Variants in INPP5A observed in about 807,000 individuals in gnomAD.
INPP5A encodes 43 kDa inositol polyphosphate 5-phophatase.
Under a neutral mutation model 65.2 loss-of-function variants are expected in INPP5A, and 14 were observed. That is an observed-to-expected ratio of 0.21 (90% CI 0.14 to 0.34). INPP5A has a LOEUF of 0.34. Ranked by LOEUF, INPP5A falls within the 10% of genes least tolerant of loss-of-function variation. INPP5A has a pLI of 1.00. For missense variants in INPP5A, 431 were observed against 545.6 expected, an observed-to-expected ratio of 0.79 and a Z score of 2.09; for synonymous variants, 207 against 208.3, an observed-to-expected ratio of 0.99 and a Z score of 0.05.
At chr10:132,606,733 C>T (rs2071858874) in intron 1 of INPP5A, among the ~76,000 whole-genome samples, 2 of 152,210 alleles carry the variant, frequency 1.3e-5, no homozygotes, top group South Asian at 4.1e-4. Context: ...CACTGGCGGC[C>T]TGCACGCCTT....
intron 4 of INPP5A, among the ~76,000 whole-genome samples, chr10:132,671,703 TCATGTGCCTTA>T (rs1289895642): frequency 6.6e-6 from 1 of 152,220 alleles, no homozygotes; most frequent in African/African-American, 2.4e-5. Flanking sequence ...TGATACTGTT[TCATGTGCCTTA>T]CATGTGCCAC....
At chr10:132,666,054 C>CAA (rs5789135) in intron 4 of INPP5A, among the ~76,000 whole-genome samples, 3,717 of 136,028 alleles carry the variant, frequency 0.027, 85 homozygotes, top group African/African-American at 0.059. Context: ...GATCCTGTCT[C>CAA]AAAAAAAAAA....
intron 1 of INPP5A, among the ~76,000 whole-genome samples, chr10:132,566,197 C>G (rs544261175): frequency 2.0e-4 from 31 of 152,292 alleles, no homozygotes; most frequent in African/African-American, 6.7e-4. Context: ...CATGATGAAA[C>G]TGACTCCAGA....
Position 132,537,821 on chromosome 10 carries a change from G to C in INPP5A, c.-276G>C, listed in dbSNP as rs896087941. On this transcript the variant is annotated 5_prime_UTR_variant, in exon 1 of 16. Coordinates refer to ENST00000368594, the MANE Select transcript of INPP5A (RefSeq NM_005539.5). Reference sequence around the variant, plus strand: ...CAGCCTGAGTCGGCGGCGGCTGCGGGAACTTTCCCAGCGGATCTAATGGCT... The same window carrying C: ...CAGCCTGAGTCGGCGGCGGCTGCGGCAACTTTCCCAGCGGATCTAATGGCT... 5 of 359,838 alleles carry C rather than the reference G, an allele frequency of 1.4e-5. No homozygotes were observed. Among genetic ancestry groups the C allele is most frequent in the East Asian group, 4.0e-5 (1 of 25,160 alleles). The allele number at this position is 359,838 out of a possible 1,614,324, so 22.3% of individuals were successfully genotyped here.
At chr10:132,679,121 G>A (rs2073008534) in intron 4 of INPP5A, among the ~76,000 whole-genome samples, 2 of 152,206 alleles carry the variant, frequency 1.3e-5, no homozygotes, top group Admixed American at 1.3e-4. Flanking sequence ...GGCTACAGCT[G>A]TGGAGGAGGC....
intron 9 of INPP5A, among the ~76,000 whole-genome samples, chr10:132,738,962 C>A (rs1214417993): frequency 1.3e-5 from 2 of 152,174 alleles, no homozygotes; most frequent in African/African-American, 4.8e-5. Context: ...GGTCCCCCTT[C>A]GGGTCTAGGG....
intron 2 of INPP5A, among the ~76,000 whole-genome samples, chr10:132,635,415 A>G (rs1247767820): frequency 8.1e-4 from 1 of 1,230 alleles, no homozygotes; most frequent in African/African-American, 3.6e-3. Context: ...TTTTTTTTTG[A>G]GACGGAGTCT....
intron 1 of INPP5A, among the ~76,000 whole-genome samples, chr10:132,548,445 C>T (rs545715704): frequency 6.6e-6 from 1 of 152,284 alleles, no homozygotes; most frequent in East Asian, 1.9e-4. Context: ...GGGGGTGTTC[C>T]GAGATCTGGT....
chr10:132,669,857 C>T (rs971040723), intron 4 of INPP5A, among the ~76,000 whole-genome samples: 9 of 152,044 alleles, frequency 5.9e-5, no homozygotes, highest in Admixed American at 5.9e-4. Flanking sequence ...GCTGAGCCCC[C>T]AGGGAGCCAG....
At chr10:132,757,690 G>A (rs1483581695) in intron 11 of INPP5A, among the ~76,000 whole-genome samples, 1 of 152,364 alleles carries the variant, frequency 6.6e-6, no homozygotes, top group South Asian at 2.1e-4. Flanking sequence ...GGAGCAGAGA[G>A]GCTGGAAAGC....
chr10:132,594,668 G>A (rs2071661659), intron 1 of INPP5A, among the ~76,000 whole-genome samples: 1 of 152,080 alleles, frequency 6.6e-6, no homozygotes, highest in South Asian at 2.1e-4. Flanking sequence ...GGGTGCATAT[G>A]TGTGGCGTGG....
intron 11 of INPP5A, among the ~76,000 whole-genome samples, chr10:132,756,086 G>A (rs1275450842): frequency 2.0e-5 from 3 of 152,218 alleles, no homozygotes; most frequent in East Asian, 3.9e-4. Flanking sequence ...CAGCTCAGAA[G>A]TAAAGATGGC....
chr10:132,673,409 A>G (rs1564958784), intron 4 of INPP5A, among the ~76,000 whole-genome samples: 2 of 152,192 alleles, frequency 1.3e-5, no homozygotes, highest in Non-Finnish European at 2.9e-5. Context: ...TGGGAGAAAC[A>G]GTATCATATA....
At chr10:132,609,866 A>G (rs995106920) in intron 2 of INPP5A, among the ~76,000 whole-genome samples, 1 of 152,154 alleles carries the variant, frequency 6.6e-6, no homozygotes, top group Non-Finnish European at 1.5e-5. Flanking sequence ...GCTGGTCTTG[A>G]ACTGACCTCA....
intron 3 of INPP5A, among the ~76,000 whole-genome samples, chr10:132,649,414 A>G (rs58305456): frequency 6.6e-6 from 1 of 152,156 alleles, no homozygotes; most frequent in African/African-American, 2.4e-5. Flanking sequence ...GCTGCTTCTC[A>G]TATCAAGTTA....
intron 8 of INPP5A, among the ~76,000 whole-genome samples, chr10:132,725,605 G>A (rs112806915): frequency 0.023 from 3,547 of 152,302 alleles, 130 homozygotes; most frequent in African/African-American, 0.08. Context: ...GGGCCCTACC[G>A]TGCCCCTCAT....
chr10:132,673,538 C>G (rs532928397), intron 4 of INPP5A, among the ~76,000 whole-genome samples: 3 of 152,226 alleles, frequency 2.0e-5, no homozygotes, highest in Non-Finnish European at 4.4e-5. Flanking sequence ...ACCATTCTGT[C>G]AACCCAGCTG....
At position 132,697,777 on chromosome 10, in the gene INPP5A, G is replaced by T. The variant is rs56379592; in HGVS notation, c.371-39G>T. 7.1e-7 allele frequency: 1 copy of T among 1,403,168 alleles called. No individual in the cohort carries two copies. Among genetic ancestry groups the T allele is most frequent in the East Asian group, 2.3e-5 (1 of 43,618 alleles). 86.9% of individuals were successfully genotyped at this position (1,403,168 alleles called of 1,614,324 possible). ...CTCCAGGCTGGTTGGATGGGGCACAGTGATGGGATAGTCACCTCGTCCTTC... is the reference window on the plus strand; with the variant it reads ...CTCCAGGCTGGTTGGATGGGGCACATTGATGGGATAGTCACCTCGTCCTTC... On this transcript the variant is annotated intron_variant, in intron 5 of 15. Coordinates refer to ENST00000368594, the MANE Select transcript of INPP5A (RefSeq NM_005539.5). This position sits in a 1 kb window ranked among gnomAD's most constrained non-coding sequence, Gnocchi z 5.6.
In INPP5A at chr10:132,678,445, G is replaced by C. The variant is rs757351362; in HGVS notation, c.307-11947G>C. ...ACAAGGTGTCTTGGGACTTGCCTTT[G>C]TGATAGGGTTAAATGTGTGACTTTT... On this transcript the variant is annotated intron_variant, in intron 4 of 15. Transcript: ENST00000368594. The surrounding 1 kb of genome is among the most constrained non-coding windows in gnomAD (Gnocchi z 4.1). Among the ~76,000 whole-genome samples, 6 of 152,206 alleles carry C rather than the reference G, an allele frequency of 3.9e-5. No individual in the cohort carries two copies. Among genetic ancestry groups the C allele is most frequent in the Non-Finnish European group, 8.8e-5 (6 of 68,038 alleles).
Sources: gnomAD v4.1 joint callset for allele counts (sites outside exome capture counted in the v4.1 genomes callset) on GRCh38, gnomAD v4.1.1 for gene constraint, Gnocchi (gnomAD v3.1) non-coding constraint, MANE v1.5 for transcripts, NCBI Gene and HGNC (gene_info 2026-07-23, HGNC 2026-07-21) for gene names.